Variants in ABTB2 observed in about 807,000 individuals in gnomAD.
ABTB2 encodes the protein ankyrin repeat and BTB domain containing 2, also known as ankyrin repeat and BTB/POZ domain-containing protein 2.
In ABTB2, 56 loss-of-function variants were observed where a neutral mutation model predicts 104.1. That is an observed-to-expected ratio of 0.54 (90% CI 0.43 to 0.67). The LOEUF (loss-of-function observed/expected upper bound fraction) is 0.67, where lower values mean the gene tolerates loss of function less well. Ranked by LOEUF, ABTB2 falls within the 30% of genes least tolerant of loss-of-function variation. The pLI is 0.00. For missense variants in ABTB2, 1,279 were observed against 1,407.7 expected (o/e 0.91, Z 1.46); for synonymous variants, 606 against 608.2 (o/e 1.00, Z 0.05).
At chr11:34,170,536 G>A (rs1852858305) in intron 5 of ABTB2, among the ~76,000 whole-genome samples, 1 of 152,170 alleles carries the variant, frequency 6.6e-6, no homozygotes, top group Admixed American at 6.5e-5. Flanking sequence ...ATGAGGACAA[G>A]GGTTTCCATG....
At chr11:34,173,122 A>C (rs1362806810) in intron 4 of ABTB2, 33 bp downstream of exon 4, 1 of 1,612,682 alleles carries the variant, frequency 6.2e-7, no homozygotes, top group Non-Finnish European at 8.5e-7. Context: ...CAGGTCATGG[A>C]TGCCGGGGCC....
Position 34,330,135 on chromosome 11 carries a change from G to C in ABTB2, c.883+26566C>G, listed in dbSNP as rs116393020. Among the ~76,000 whole-genome samples the C allele has an allele frequency of 7.0e-3, 1,065 of 152,262 alleles. 7 individuals are homozygous for C. The highest frequency in any genetic ancestry group is 0.024 in the African/African-American group (1,015 of 41,538). On this transcript the variant is annotated intron_variant, in intron 1 of 16. Coordinates refer to ENST00000435224, the MANE Select transcript of ABTB2 (RefSeq NM_145804.3). ...ACTCCTGACTTCTGGTCCCTGCTGG[G>C]TCACTCCTTGGCCATGGGACCTCAA...
chr11:34,217,798 G>A (rs1233628557), intron 1 of ABTB2, among the ~76,000 whole-genome samples: 2 of 152,220 alleles, frequency 1.3e-5, no homozygotes, highest in Non-Finnish European at 2.9e-5. Context: ...AAATACTAAG[G>A]AATGCAGTTG....
At chr11:34,248,110 A>AC (rs966707985) in intron 1 of ABTB2, among the ~76,000 whole-genome samples, 3 of 68,064 alleles carry the variant, frequency 4.4e-5, no homozygotes, top group African/African-American at 3.1e-4. Flanking sequence ...AAAAAAAAAA[A>AC]AAAAAAAAAA....
chr11:34,191,552 TG>T (rs1853176973), intron 3 of ABTB2, among the ~76,000 whole-genome samples: 1 of 152,180 alleles, frequency 6.6e-6, no homozygotes, highest in South Asian at 2.1e-4. Flanking sequence ...CTCCTGAACC[TG>T]TCTGGGGGTG....
chr11:34,189,533 C>T (rs1396793531), intron 3 of ABTB2, among the ~76,000 whole-genome samples: 2 of 152,094 alleles, frequency 1.3e-5, no homozygotes, highest in South Asian at 2.1e-4. Flanking sequence ...CCCAGGAGGT[C>T]GACGTTGCAG....
At chr11:34,260,938 A>G (rs1854181491) in intron 1 of ABTB2, among the ~76,000 whole-genome samples, 1 of 121,898 alleles carries the variant, frequency 8.2e-6, no homozygotes, top group Non-Finnish European at 1.7e-5. Flanking sequence ...CATGGCCAAC[A>G]TGGTGAAACC....
chr11:34,345,535 AC>A (rs923948252), intron 1 of ABTB2, among the ~76,000 whole-genome samples: 2 of 147,528 alleles, frequency 1.4e-5, no homozygotes, highest in African/African-American at 5.0e-5. Context: ...CAGACTCCCC[AC>A]CCCCGCCATC....
intron 1 of ABTB2, among the ~76,000 whole-genome samples, chr11:34,261,398 G>A (rs1055103731): frequency 1.1e-4 from 16 of 151,610 alleles, no homozygotes; most frequent in African/African-American, 3.9e-4. Context: ...AAGGTAGTCT[G>A]TTTTTTTCAT....
intron 1 of ABTB2, among the ~76,000 whole-genome samples, chr11:34,240,746 CCA>C (rs1249918974): frequency 6.7e-6 from 1 of 150,310 alleles, no homozygotes; most frequent in Middle Eastern, 3.2e-3. Context: ...GCATCCGCCA[CCA>C]CACCCAGCTA....
intron 1 of ABTB2, among the ~76,000 whole-genome samples, chr11:34,237,075 A>G (rs1280051677): frequency 6.6e-6 from 1 of 152,068 alleles, no homozygotes; most frequent in Non-Finnish European, 1.5e-5. Context: ...GTACCTCTGG[A>G]TCATCTTGGA....
chr11:34,252,487 C>T lies in ABTB2; in HGVS notation c.884-47797G>A, dbSNP rs1854068276. Among the ~76,000 whole-genome samples, 1 of 152,076 alleles carries T rather than the reference C, an allele frequency of 6.6e-6. No individual in the cohort carries two copies. On this transcript the variant is annotated intron_variant, in intron 1 of 16. Transcript: ENST00000435224. This position sits in a 1 kb window ranked among gnomAD's most constrained non-coding sequence, Gnocchi z 5.5. Reference sequence around the variant, plus strand: ...CCTCCCCACCACCGCTGGGCATGACCCTAAGAGAAAGACTAGATTCCTAAC... The same window carrying T: ...CCTCCCCACCACCGCTGGGCATGACTCTAAGAGAAAGACTAGATTCCTAAC...
chr11:34,246,374 G>A (rs556965570), intron 1 of ABTB2, among the ~76,000 whole-genome samples: 36 of 152,234 alleles, frequency 2.4e-4, no homozygotes, highest in African/African-American at 8.4e-4. Context: ...GGCCGAGGCA[G>A]GTGGATCATC....
In ABTB2 at chr11:34,165,264, C is replaced by T. The variant is rs554808748; in HGVS notation, c.1848G>A (p.Ala616=). The part of the protein sequence containing the change: ...YAETPLQLAS[A]AGNYELVSLL... The stretch of plus-strand genomic sequence containing the variant: ...CTCCGGGTAGCAGGTGCCTACCTGC[C>T]GCAGAGGCCAGCTGCAGGGGCGTCT... The change falls in exon 8 of 17, where the codon GCG becomes GCA. Residue 616 remains alanine, a synonymous_variant. Coordinates refer to ENST00000435224, the MANE Select transcript of ABTB2 (RefSeq NM_145804.3). The T allele has an allele frequency of 4.8e-5, 74 of 1,550,694 alleles. No individual in the cohort carries two copies. The highest frequency in any genetic ancestry group is 1.4e-4 in the Admixed American group (7 of 51,092).
intron 1 of ABTB2, among the ~76,000 whole-genome samples, chr11:34,351,506 G>C (rs1855397572): frequency 6.6e-6 from 1 of 152,188 alleles, no homozygotes; most frequent in Non-Finnish European, 1.5e-5. Flanking sequence ...AACCCTGCTA[G>C]AAAGCAGGGT....
chr11:34,159,798 C>T, intron 13 of ABTB2, 108 bp downstream of exon 13: 1 of 863,210 alleles, frequency 1.2e-6, no homozygotes, highest in Non-Finnish European at 1.9e-6. Context: ...GTCTGAGGGG[C>T]AGAGGCTGCA....
intron 9 of ABTB2, 152 bp downstream of exon 9, chr11:34,164,534 C>T: frequency 1.0e-6 from 1 of 955,620 alleles, no homozygotes; most frequent in Non-Finnish European, 1.4e-6. Flanking sequence ...AGGCTAAACT[C>T]CCCCATGTTT....
intron 1 of ABTB2, among the ~76,000 whole-genome samples, chr11:34,247,541 G>A (rs1854000702): frequency 1.3e-5 from 2 of 152,302 alleles, no homozygotes; most frequent in South Asian, 2.1e-4. Flanking sequence ...AAGCTATGAC[G>A]TTCAGTAGGT....
chr11:34,227,193 G>A (rs1368346241), intron 1 of ABTB2, among the ~76,000 whole-genome samples: 1 of 150,840 alleles, frequency 6.6e-6, no homozygotes, highest in Non-Finnish European at 1.5e-5. Flanking sequence ...AGAATCACTT[G>A]AACCCAGGAG....
Sources: allele counts gnomAD v4.1 joint callset (sites outside exome capture counted in the v4.1 genomes callset), GRCh38; gene constraint gnomAD v4.1.1; non-coding constraint Gnocchi (gnomAD v3.1); transcripts MANE v1.5; gene names NCBI Gene and HGNC (gene_info 2026-07-23, HGNC 2026-07-21).